CREBL2: variants seen among roughly 807,000 people sequenced by gnomAD.
The protein encoded by CREBL2 is cAMP responsive element binding protein like 2.
A neutral mutation model predicts 19.5 loss-of-function variants in CREBL2; 4 were observed. That is an observed-to-expected ratio of 0.20 (90% CI 0.10 to 0.47). The LOEUF (loss-of-function observed/expected upper bound fraction) is 0.47, where lower values mean the gene tolerates loss of function less well. CREBL2 is among the 20% of genes least tolerant of loss of function. The probability of loss-of-function intolerance (pLI) is 0.98; values close to 1 mark genes in which losing one functional copy is unlikely to be tolerated. For synonymous variants in CREBL2, 42 were observed against 46.6 expected (o/e 0.90, Z 0.40); for missense variants, 85 against 145.1 (o/e 0.59, Z 2.13).
At chr12:12,636,157 C>T (rs755203276) in intron 2 of CREBL2, among the ~76,000 whole-genome samples, 183 bp downstream of exon 2, 4 of 152,092 alleles carry the variant, frequency 2.6e-5, no homozygotes, top group East Asian at 1.9e-4. Flanking sequence ...GCAGAGTGTA[C>T]GTGACTGTTA....
At chr12:12,639,881 C>T (rs76265525) in intron 3 of CREBL2, among the ~76,000 whole-genome samples, 1 of 152,036 alleles carries the variant, frequency 6.6e-6, no homozygotes, top group Non-Finnish European at 1.5e-5. Context: ...GGTGTAAGAA[C>T]AGGGAGTAGG....
At chr12:12,614,986 T>C (rs1945298776) in intron 1 of CREBL2, 1 of 188,042 alleles carries the variant, frequency 5.3e-6, no homozygotes, top group African/African-American at 2.4e-5. Context: ...GTCTCCCGAG[T>C]AGGTGTGATT....
intron 1 of CREBL2, among the ~76,000 whole-genome samples, chr12:12,630,353 C>G (rs972408436): frequency 1.3e-5 from 2 of 151,952 alleles, no homozygotes; most frequent in Non-Finnish European, 2.9e-5. Context: ...AGGAATTTGT[C>G]CATTTCATCT....
At position 12,612,151 on chromosome 12, in the gene CREBL2, C is replaced by G. The variant is rs756346418; in HGVS notation, c.-22C>G. 6.2e-7 allele frequency: 1 copy of G among 1,611,556 alleles called. No individual in the cohort carries two copies. The highest frequency in any genetic ancestry group is 8.5e-7 in the Non-Finnish European group (1 of 1,179,946). On this transcript the variant is annotated 5_prime_UTR_variant, in exon 1 of 4. Coordinates refer to ENST00000228865, the MANE Select transcript of CREBL2 (RefSeq NM_001310.4). ...GAGGGCTCCGGGAGGGAGTGCCTGG[C>G]CAGGCCGGCCTGTCTGCCGCGATGG...
chr12:12,641,250 A>ATTTTTT lies in CREBL2; in HGVS notation c.359-742_359-741insTTTTTT, dbSNP rs1248375488. ...CTTTATTATTATTATTATTATTATT[A>ATTTTTT]TTATTTTTTTTTATTTTTTTTTTTT... On this transcript the variant is annotated intron_variant, in intron 3 of 3. Transcript: ENST00000228865. 9.6e-3 allele frequency among the ~76,000 whole-genome samples: 556 copies of ATTTTTT among 57,660 alleles called. 90 individuals are homozygous for ATTTTTT. Among genetic ancestry groups the ATTTTTT allele is most frequent in the Middle Eastern group, 0.021 (2 of 96 alleles). 37.8% of individuals were successfully genotyped at this position (57,660 alleles called of 152,430 possible).
Position 12,641,263 on chromosome 12 carries a change from A to ATTT in CREBL2, c.359-719_359-717dup, listed in dbSNP as rs761407635. On this transcript the variant is annotated intron_variant, in intron 3 of 3. Coordinates refer to ENST00000228865, the MANE Select transcript of CREBL2 (RefSeq NM_001310.4). ...ATTATTATTATTATTATTTTTTTTT[A>ATTT]TTTTTTTTTTTTTTAGGTCAACCTC... Among the ~76,000 whole-genome samples, 165 of 85,914 alleles carry ATTT rather than the reference A, an allele frequency of 1.9e-3. 11 individuals are homozygous for ATTT. Among genetic ancestry groups the ATTT allele is most frequent in the Non-Finnish European group, 2.6e-3 (117 of 44,556 alleles). The allele number at this position is 85,914 out of a possible 152,430, so 56.4% of individuals were successfully genotyped here.
chr12:12,618,553 G>A (rs533449807), intron 1 of CREBL2, among the ~76,000 whole-genome samples: 2 of 151,112 alleles, frequency 1.3e-5, no homozygotes, highest in South Asian at 2.1e-4. Flanking sequence ...CAGACTGGGC[G>A]GCCGGGCAGA....
At position 12,614,671 on chromosome 12, in the gene CREBL2, T is replaced by C. The variant is rs1049393563; in HGVS notation, c.15+2484T>C. 4.1e-5 allele frequency: 12 copies of C among 292,878 alleles called. No individual in the cohort carries two copies. The East Asian group carries it at 1.1e-3, about 27-fold the overall frequency. 18.1% of individuals were successfully genotyped at this position (292,878 alleles called of 1,614,324 possible). ...GATGAGGGTCTCACTGGCTTTTTTT[T>C]CTGATCATTTTCCTTCACACGTTTC... On this transcript the variant is annotated intron_variant, in intron 1 of 3. Coordinates refer to ENST00000228865, the MANE Select transcript of CREBL2 (RefSeq NM_001310.4).
chr12:12,615,023 A>G (rs1054628144), intron 1 of CREBL2, among the ~76,000 whole-genome samples: 1 of 151,820 alleles, frequency 6.6e-6, no homozygotes, highest in East Asian at 1.9e-4. Context: ...ATGTCCGGCT[A>G]ATTTTTTTTT....
chr12:12,641,264 T>TTTTTA (rs1945518598), intron 3 of CREBL2, among the ~76,000 whole-genome samples: 1 of 78,698 alleles, frequency 1.3e-5, no homozygotes, highest in South Asian at 4.4e-4. Flanking sequence ...TTTTTTTTTA[T>TTTTTA]TTTTTTTTTT....
At chr12:12,641,250 ATTATTT>A (rs1215048133) in intron 3 of CREBL2, among the ~76,000 whole-genome samples, 1 of 58,020 alleles carries the variant, frequency 1.7e-5, no homozygotes, top group Non-Finnish European at 3.5e-5. Flanking sequence ...TATTATTATT[ATTATTT>A]TTTTTTATTT....
At chr12:12,638,281 A>C (rs1376212505) in intron 3 of CREBL2, among the ~76,000 whole-genome samples, 1 of 152,076 alleles carries the variant, frequency 6.6e-6, no homozygotes, top group Non-Finnish European at 1.5e-5. Context: ...TTTCTATTAA[A>C]AATACAAAAA....
At chr12:12,621,488 A>G (rs1398423530) in intron 1 of CREBL2, among the ~76,000 whole-genome samples, 1 of 149,734 alleles carries the variant, frequency 6.7e-6, no homozygotes, top group Non-Finnish European at 1.5e-5. Flanking sequence ...ATTGCACTCC[A>G]GCCTGGGCAA....
chr12:12,636,091 T>C, intron 2 of CREBL2, 117 bp downstream of exon 2: 1 of 990,196 alleles, frequency 1.0e-6, no homozygotes. Flanking sequence ...GGAGAGAATA[T>C]TAATCTGTTA....
At chr12:12,616,946 TTGAG>T (rs1197618778) in intron 1 of CREBL2, among the ~76,000 whole-genome samples, 1 of 152,096 alleles carries the variant, frequency 6.6e-6, no homozygotes, top group Non-Finnish European at 1.5e-5. Flanking sequence ...GAGGTAGTAT[TTGAG>T]TGAGTAGGTC....
intron 2 of CREBL2, 51 bp from the exon 3 acceptor site, chr12:12,637,514 GTTAAT>G (rs1436380175): frequency 5.3e-6 from 6 of 1,129,746 alleles, no homozygotes; most frequent in African/African-American, 3.3e-5. Context: ...ACAAGTAAAA[GTTAAT>G]TTAAATATGT....
In CREBL2 at chr12:12,611,884, C is replaced by A; in HGVS notation, c.-289C>A. The A allele has an allele frequency of 2.0e-6, 1 of 505,584 alleles. No homozygotes were observed. The highest frequency in any genetic ancestry group is 3.5e-6 in the Non-Finnish European group (1 of 285,362). The allele number at this position is 505,584 out of a possible 1,614,324, so 31.3% of individuals were successfully genotyped here. ...GCTCCCGCCCACCCTCCGGTCTCGG[C>A]GGCTCTCCAGAGCGTCTGTAAACAC... is the stretch of plus-strand genomic sequence containing the variant. On this transcript the variant is annotated 5_prime_UTR_variant, in exon 1 of 4. Transcript: ENST00000228865.
At position 12,612,008 on chromosome 12, in the gene CREBL2, C is replaced by A. The variant is rs1224391626; in HGVS notation, c.-165C>A. The stretch of plus-strand genomic sequence containing the variant: ...CGCTCTGCCATTCCTGAACTGGTCC[C>A]TCGTCCCCGTGACTCTGGCATCAGG... On this transcript the variant is annotated 5_prime_UTR_variant, in exon 1 of 4. Coordinates refer to ENST00000228865, the MANE Select transcript of CREBL2 (RefSeq NM_001310.4). The A allele has an allele frequency of 1.2e-6, 1 of 830,102 alleles. No homozygotes were observed. The allele number at this position is 830,102 out of a possible 1,614,324, so 51.4% of individuals were successfully genotyped here.
At chr12:12,628,699 C>T (rs2136303525) in intron 1 of CREBL2, among the ~76,000 whole-genome samples, 1 of 152,050 alleles carries the variant, frequency 6.6e-6, no homozygotes, top group South Asian at 2.1e-4. Context: ...GCAGTCTTGA[C>T]CTCCTGGGCT....
Sources: gnomAD v4.1 joint callset for allele counts (sites outside exome capture counted in the v4.1 genomes callset) on GRCh38, gnomAD v4.1.1 for gene constraint, MANE v1.5 for transcripts, NCBI Gene and HGNC (gene_info 2026-07-23, HGNC 2026-07-21) for gene names.